The following RGS7 variants were observed in gnomAD, a reference collection of about 807,000 sequenced individuals.
The protein encoded by RGS7 is regulator of G-protein signaling 7.
In RGS7, 27 loss-of-function variants were observed where a neutral mutation model predicts 81.1. The observed-to-expected ratio is 0.33, with a 90% CI of 0.25 to 0.46. The LOEUF is 0.46. Among genes scored for constraint, RGS7 ranks in the 20% least tolerant of loss-of-function variants. The pLI is 1.00. For synonymous variants in RGS7, 208 were observed against 207.7 expected, an observed-to-expected ratio of 1.00 and a Z score of -0.01; for missense variants, 396 against 607.4, an observed-to-expected ratio of 0.65 and a Z score of 3.66.
At chr1:241,311,869 T>C (rs541599131) in intron 2 of RGS7, among the ~76,000 whole-genome samples, 7 of 152,216 alleles carry the variant, frequency 4.6e-5, no homozygotes, top group Non-Finnish European at 8.8e-5. Context: ...ATCAACTGGT[T>C]CTCTTTGTTC....
chr1:241,278,530 G>C (rs935895790), intron 2 of RGS7, among the ~76,000 whole-genome samples: 1 of 152,166 alleles, frequency 6.6e-6, no homozygotes, highest in Non-Finnish European at 1.5e-5. Context: ...TTGCGGTGCA[G>C]AGTTGGGTGA....
At chr1:240,992,860 A>C (rs959943301) in intron 3 of RGS7, among the ~76,000 whole-genome samples, 2 of 149,796 alleles carry the variant, frequency 1.3e-5, no homozygotes, top group Non-Finnish European at 3.0e-5. Context: ...AAAAAAAAAA[A>C]AAATATTAGC....
chr1:241,001,939 G>A (rs1187981571), intron 3 of RGS7, among the ~76,000 whole-genome samples: 1 of 152,084 alleles, frequency 6.6e-6, no homozygotes, highest in African/African-American at 2.4e-5. Context: ...GATGAACCCT[G>A]TGTGATAATG....
chr1:240,964,249 C>T (rs1442327883), intron 4 of RGS7, among the ~76,000 whole-genome samples: 3 of 152,042 alleles, frequency 2.0e-5, no homozygotes, highest in Non-Finnish European at 4.4e-5. Flanking sequence ...ATGTAGCATG[C>T]CAGTAGAGGA....
intron 11 of RGS7, among the ~76,000 whole-genome samples, chr1:240,815,739 T>G (rs1328247383): frequency 6.6e-6 from 1 of 152,224 alleles, no homozygotes; most frequent in Non-Finnish European, 1.5e-5. Context: ...ATTATTTGAT[T>G]TCAGACACTG....
chr1:241,318,299 A>C (rs977180741), intron 2 of RGS7, among the ~76,000 whole-genome samples: 3 of 152,236 alleles, frequency 2.0e-5, no homozygotes, highest in Non-Finnish European at 2.9e-5. Context: ...TTAAATATAA[A>C]ATGAGACTTG....
chr1:240,914,349 C>A (rs1672248756), intron 6 of RGS7, among the ~76,000 whole-genome samples: 1 of 152,154 alleles, frequency 6.6e-6, no homozygotes, highest in Non-Finnish European at 1.5e-5. Flanking sequence ...TATTCATGCC[C>A]TGCCAATTGA....
At chr1:240,884,744 C>T (rs1667055673) in intron 6 of RGS7, among the ~76,000 whole-genome samples, 1 of 152,144 alleles carries the variant, frequency 6.6e-6, no homozygotes, top group South Asian at 2.1e-4. Flanking sequence ...ACACCATATA[C>T]AAAATTCAAC....
At chr1:240,791,152 T>C (rs1459279252) in intron 18 of RGS7, among the ~76,000 whole-genome samples, 1 of 152,204 alleles carries the variant, frequency 6.6e-6, no homozygotes, top group African/African-American at 2.4e-5. Context: ...TTCTAGAGAA[T>C]GTGCTTTAAA....
chr1:241,272,004 T>A lies in RGS7; in HGVS notation c.78+83695A>T, dbSNP rs2077934739. Reference sequence around the variant, plus strand: ...ATTTCTTTTTTTTTTTTTTTATTTTTATTTTTTGAGATGGAGTCTCACTCT... The same window carrying A: ...ATTTCTTTTTTTTTTTTTTTATTTTAATTTTTTGAGATGGAGTCTCACTCT... On this transcript the variant is annotated intron_variant, in intron 2 of 18. Coordinates refer to ENST00000440928, the MANE Select transcript of RGS7 (RefSeq NM_001364886.1). Among the ~76,000 whole-genome samples, 2 of 149,052 alleles carry A rather than the reference T, an allele frequency of 1.3e-5. 1 individual carries two copies. The highest frequency in any genetic ancestry group is 3.0e-5 in the Non-Finnish European group (2 of 66,518).
chr1:241,294,320 C>T (rs866609023), intron 2 of RGS7, among the ~76,000 whole-genome samples: 2 of 151,924 alleles, frequency 1.3e-5, no homozygotes, highest in African/African-American at 4.8e-5. Context: ...ATACCTAATG[C>T]ATGGGGGCTT....
Position 241,271,833 on chromosome 1 carries a change from A to G in RGS7, c.78+83866T>C, listed in dbSNP as rs1441175778. ...CTTCCCTGGCCTCCAGCTTGCAGAT[A>G]GCAGATTATGGGACTTAACCTCCAC... is the stretch of plus-strand genomic sequence containing the variant. On this transcript the variant is annotated intron_variant, in intron 2 of 18. Coordinates refer to ENST00000440928, the MANE Select transcript of RGS7 (RefSeq NM_001364886.1). The surrounding 1 kb of genome is among the most constrained non-coding windows in gnomAD (Gnocchi z 4.6). 6.6e-6 allele frequency among the ~76,000 whole-genome samples: 1 copy of G among 151,914 alleles called. No individual in the cohort carries two copies. The highest frequency in any genetic ancestry group is 1.5e-5 in the Non-Finnish European group (1 of 68,008).
At position 240,868,732 on chromosome 1, in the gene RGS7, G is replaced by A; in HGVS notation, c.527+44C>T. Reference sequence around the variant, plus strand: ...TTGTAGTGCCTCTCTGAACAAAAAGGCCACAACTGGAACAAATCTTCCAAA... The same window carrying A: ...TTGTAGTGCCTCTCTGAACAAAAAGACCACAACTGGAACAAATCTTCCAAA... On this transcript the variant is annotated intron_variant, in intron 8 of 18. Transcript: ENST00000440928. The surrounding 1 kb of genome is among the most constrained non-coding windows in gnomAD (Gnocchi z 5.1). The A allele has an allele frequency of 2.5e-6, 4 of 1,611,714 alleles. No individual in the cohort carries two copies. Among genetic ancestry groups the A allele is most frequent in the Non-Finnish European group, 3.4e-6 (4 of 1,177,914 alleles).
chr1:241,295,275 C>T (rs981894727), intron 2 of RGS7, among the ~76,000 whole-genome samples: 16 of 145,908 alleles, frequency 1.1e-4, no homozygotes, highest in South Asian at 6.8e-4. Context: ...GATGAAACCC[C>T]GTCTCTACTA....
chr1:240,804,382 G>A (rs988801585), intron 15 of RGS7, among the ~76,000 whole-genome samples: 130 of 152,200 alleles, frequency 8.5e-4, no homozygotes, highest in African/African-American at 2.4e-3. Context: ...AAACTGAGGC[G>A]TGGAGAAGTG....
At chr1:240,845,540 C>T (rs1445937830) in intron 9 of RGS7, among the ~76,000 whole-genome samples, 1 of 152,156 alleles carries the variant, frequency 6.6e-6, no homozygotes, top group Admixed American at 6.5e-5. Context: ...GGTTTTCAGT[C>T]ATCATTAGGG....
At chr1:240,814,245 T>C (rs1690396682) in intron 12 of RGS7, among the ~76,000 whole-genome samples, 1 of 152,202 alleles carries the variant, frequency 6.6e-6, no homozygotes, top group Admixed American at 6.5e-5. Context: ...AAGTGAAGAA[T>C]ATGAATGGCA....
intron 2 of RGS7, among the ~76,000 whole-genome samples, chr1:241,187,654 T>C (rs1323472968): frequency 6.6e-6 from 1 of 152,198 alleles, no homozygotes; most frequent in Non-Finnish European, 1.5e-5. Flanking sequence ...TTTAGCCTCA[T>C]GGCTGTTGTC....
chr1:240,940,126 C>T (rs1382098352), intron 4 of RGS7, among the ~76,000 whole-genome samples: 1 of 152,078 alleles, frequency 6.6e-6, no homozygotes, highest in Non-Finnish European at 1.5e-5. Context: ...AATCAAGTAA[C>T]CCCTACTTTC....
Sources: gnomAD v4.1 joint callset for allele counts (sites outside exome capture counted in the v4.1 genomes callset) on GRCh38, gnomAD v4.1.1 for gene constraint, Gnocchi (gnomAD v3.1) non-coding constraint, MANE v1.5 for transcripts, NCBI Gene and HGNC (gene_info 2026-07-23, HGNC 2026-07-21) for gene names.